Variants in MAP3K14 observed in about 807,000 individuals in gnomAD.
The protein encoded by MAP3K14 is mitogen-activated protein kinase kinase kinase 14, also known as NF-kappa-beta-inducing kinase.
In MAP3K14, 16 loss-of-function variants were observed where a neutral mutation model predicts 99.2. The ratio of observed to expected loss-of-function variants is 0.16; its 90% CI spans 0.11 to 0.24. The LOEUF is 0.24. Ranked by LOEUF, MAP3K14 falls within the 10% of genes least tolerant of loss-of-function variation. The pLI, the probability that MAP3K14 is intolerant of heterozygous loss-of-function variation, is 1.00. For missense variants in MAP3K14, 784 were observed against 1,208.7 expected, an observed-to-expected ratio of 0.65 and a Z score of 5.21; for synonymous variants, 462 against 492.4, an observed-to-expected ratio of 0.94 and a Z score of 0.82.
intron 1 of MAP3K14, among the ~76,000 whole-genome samples, chr17:45,311,268 AGGTGACTACTGGTT>A (rs1414059793): frequency 6.6e-6 from 1 of 152,212 alleles, no homozygotes; most frequent in Non-Finnish European, 1.5e-5. Flanking sequence ...TGCCAGCAGG[AGGTGACTACTGGTT>A]GGTCCAGACT....
intron 1 of MAP3K14, among the ~76,000 whole-genome samples, chr17:45,300,502 A>G (rs1398292370): frequency 1.3e-5 from 2 of 152,158 alleles, no homozygotes; most frequent in African/African-American, 4.8e-5. Flanking sequence ...TGATCTCTCT[A>G]CAACCCCTTG....
Position 45,266,330 on chromosome 17 carries a change from C to CA in MAP3K14, c.2578+206dup, listed in dbSNP as rs2044081983. 3 of 541,494 alleles carry CA rather than the reference C, an allele frequency of 5.5e-6. No homozygotes were observed. The Admixed American group carries it at 9.6e-5, about 17-fold the overall frequency. The allele number at this position is 541,494 out of a possible 1,614,324, so 33.5% of individuals were successfully genotyped here. On this transcript the variant is annotated intron_variant, in intron 14 of 15. Transcript: ENST00000344686. ...TGACAATGAGGGGATAATGGTCCCTCACTGCCCCATCAGGAAAGGCTCATG... is the reference window on the plus strand; with the variant it reads ...TGACAATGAGGGGATAATGGTCCCTCAACTGCCCCATCAGGAAAGGCTCATG...
chr17:45,264,011 C>A lies in MAP3K14; in HGVS notation c.*625G>T, dbSNP rs1435842958. On this transcript the variant is annotated 3_prime_UTR_variant, in exon 16 of 16. Coordinates refer to ENST00000344686, the MANE Select transcript of MAP3K14 (RefSeq NM_003954.5). ...GGCTGAACCAGAGGTCAACTCAGGA[C>A]CTGTGTTGCAACAACCTGAAAAGTG... The A allele has an allele frequency of 6.6e-6, 1 of 152,282 alleles. No individual in the cohort carries two copies. The highest frequency in any genetic ancestry group is 2.4e-5 in the African/African-American group (1 of 41,444). 9.4% of individuals were successfully genotyped at this position (152,282 alleles called of 1,614,324 possible).
At chr17:45,294,088 C>G (rs762395124) in intron 1 of MAP3K14, among the ~76,000 whole-genome samples, 4 of 152,212 alleles carry the variant, frequency 2.6e-5, no homozygotes, top group Non-Finnish European at 4.4e-5. Flanking sequence ...CCTTTGAAGG[C>G]AAGTCAAACT....
At chr17:45,304,839 G>C (rs1323015723) in intron 1 of MAP3K14, among the ~76,000 whole-genome samples, 1 of 152,194 alleles carries the variant, frequency 6.6e-6, no homozygotes, top group East Asian at 1.9e-4. Flanking sequence ...ACTCTGGTGT[G>C]TGACCATGGG....
chr17:45,300,359 G>A (rs1296316198), intron 1 of MAP3K14, among the ~76,000 whole-genome samples: 3 of 143,758 alleles, frequency 2.1e-5, no homozygotes, highest in East Asian at 1.9e-4. Flanking sequence ...TTGAAACATC[G>A]TGTACTTAAG....
In MAP3K14 at chr17:45,267,830, C is replaced by T; in HGVS notation, c.1973-71G>A. The T allele has an allele frequency of 5.2e-6, 7 of 1,347,144 alleles. No individual in the cohort carries two copies. Among genetic ancestry groups the T allele is most frequent in the Non-Finnish European group, 7.2e-6 (7 of 968,114 alleles). 83.4% of individuals were successfully genotyped at this position (1,347,144 alleles called of 1,614,324 possible). Reference sequence around the variant, plus strand: ...AGACAGCGGTCCAGGCAGGAGCGGCCTCTCCTGAGTGCAGAAGGGCTAGAG... The same window carrying T: ...AGACAGCGGTCCAGGCAGGAGCGGCTTCTCCTGAGTGCAGAAGGGCTAGAG... On this transcript the variant is annotated intron_variant, in intron 11 of 15. Transcript: ENST00000344686. The surrounding 1 kb of genome is among the most constrained non-coding windows in gnomAD (Gnocchi z 5.1).
intron 6 of MAP3K14, among the ~76,000 whole-genome samples, chr17:45,275,159 A>G (rs992005715): frequency 6.6e-6 from 1 of 150,862 alleles, no homozygotes; most frequent in African/African-American, 2.4e-5. Context: ...AATTAAAAAA[A>G]CAAAACAAAA....
At chr17:45,265,326 TGGCAGGGGC>T in intron 14 of MAP3K14, 63 bp from the exon 15 acceptor site, 1 of 1,088,180 alleles carries the variant, frequency 9.2e-7, no homozygotes, top group Non-Finnish European at 1.4e-6. Flanking sequence ...ACCAGGGTCC[TGGCAGGGGC>T]TGGGGGAACG....
chr17:45,295,216 C>T (rs1457770753), intron 1 of MAP3K14, among the ~76,000 whole-genome samples: 2 of 141,698 alleles, frequency 1.4e-5, no homozygotes, highest in Non-Finnish European at 3.0e-5. Context: ...GGGTTCTAGC[C>T]TTAACAATTT....
At chr17:45,270,316 T>C (rs2143781856) in intron 11 of MAP3K14, 97 bp downstream of exon 11, 2 of 1,434,704 alleles carry the variant, frequency 1.4e-6, no homozygotes, top group Non-Finnish European at 1.9e-6. Context: ...AAACTAAGGC[T>C]CTGAGGGGTG....
chr17:45,283,668 G>C (rs898902611), intron 6 of MAP3K14, among the ~76,000 whole-genome samples: 1 of 152,214 alleles, frequency 6.6e-6, no homozygotes, highest in Admixed American at 6.5e-5. Context: ...TGCTCCAAAA[G>C]TTTTGGATTT....
rs7224498 is a variant in MAP3K14, at chr17:45,309,175, C to T, written c.-21+7785G>A. 6.3e-3 allele frequency among the ~76,000 whole-genome samples: 967 copies of T among 152,292 alleles called. 14 individuals carry two copies. The highest frequency in any genetic ancestry group is 0.022 in the African/African-American group (917 of 41,550). On this transcript the variant is annotated intron_variant, in intron 1 of 15. Coordinates refer to ENST00000344686, the MANE Select transcript of MAP3K14 (RefSeq NM_003954.5). The stretch of plus-strand genomic sequence containing the variant: ...CGCTTCTGAAAATGCACTTCTTTCC[C>T]CCAGAGTGCTGAAGTTGCCCAACTG...
intron 1 of MAP3K14, among the ~76,000 whole-genome samples, chr17:45,311,486 A>G (rs2044478712): frequency 6.6e-6 from 1 of 152,196 alleles, no homozygotes; most frequent in East Asian, 1.9e-4. Flanking sequence ...TCTGAAGAAA[A>G]TCTCTGCGTT....
chr17:45,265,240 G>A lies in MAP3K14; in HGVS notation c.2602C>T (p.Leu868Phe). 1.9e-6 allele frequency: 3 copies of A among 1,613,788 alleles called. No homozygotes were observed. The highest frequency in any genetic ancestry group is 2.5e-6 in the Non-Finnish European group (3 of 1,179,776). ...CGGATGTGCAGGTGTTCACCATTAA[G>A]AGACTGTATTTGGACTTTCACACCT... is the stretch of plus-strand genomic sequence containing the variant. ...FNGVKVQIQS[L>F]NGEHLHIREF... is the part of the protein sequence containing the mutation. The change falls in exon 15 of 16, where the codon CTT (leucine) becomes TTT (phenylalanine). Residue 868 changes from leucine (L) to phenylalanine (F), a missense_variant. Physicochemically the swap from Leu to Phe is conservative, Grantham distance 22 (BLOSUM62 0). This residue lies in a region of MAP3K14 where 130 missense variants were observed against 220.4 expected (regional missense o/e 0.59). Coordinates refer to ENST00000344686, the MANE Select transcript of MAP3K14 (RefSeq NM_003954.5).
intron 3 of MAP3K14, 97 bp from the exon 4 acceptor site, chr17:45,287,461 C>A: frequency 9.7e-7 from 1 of 1,032,068 alleles, no homozygotes. Context: ...GATCCAAGGT[C>A]AAATCCCAGG....
At chr17:45,308,596 T>C (rs1319015350) in intron 1 of MAP3K14, among the ~76,000 whole-genome samples, 5 of 152,060 alleles carry the variant, frequency 3.3e-5, no homozygotes, top group African/African-American at 1.2e-4. Context: ...CTCGAACTCC[T>C]GAGCTCAAGT....
intron 1 of MAP3K14, among the ~76,000 whole-genome samples, chr17:45,305,034 C>T (rs988125105): frequency 9.9e-5 from 15 of 152,216 alleles, no homozygotes; most frequent in African/African-American, 3.6e-4. Context: ...GAAGCCGCTA[C>T]AAGATGAGCA....
At chr17:45,295,600 GGGAAGT>G (rs1344985826) in intron 1 of MAP3K14, among the ~76,000 whole-genome samples, 1 of 152,216 alleles carries the variant, frequency 6.6e-6, no homozygotes, top group East Asian at 1.9e-4. Context: ...ATATGGCTTA[GGGAAGT>G]GTAGTAGCAC....
Sources: allele counts gnomAD v4.1 joint callset (sites outside exome capture counted in the v4.1 genomes callset), GRCh38; gene constraint gnomAD v4.1.1; regional missense constraint gnomAD v4.1.1; non-coding constraint Gnocchi (gnomAD v3.1); transcripts MANE v1.5; gene names NCBI Gene and HGNC (gene_info 2026-07-23, HGNC 2026-07-21).